LDLRAD3: variants seen among roughly 807,000 people sequenced by gnomAD.
The protein encoded by LDLRAD3 is low-density lipoprotein receptor class A domain-containing protein 3.
In LDLRAD3, 20 loss-of-function variants were observed where a neutral mutation model predicts 29.4. The observed-to-expected ratio is 0.68, with a 90% CI of 0.48 to 0.99. The LOEUF (loss-of-function observed/expected upper bound fraction) is 0.99, where lower values mean the gene tolerates loss of function less well. LDLRAD3 is among the 50% of genes least tolerant of loss of function. LDLRAD3 has a pLI of 0.00. For missense variants in LDLRAD3, 420 were observed against 454.3 expected, an observed-to-expected ratio of 0.92 and a Z score of 0.69; for synonymous variants, 157 against 192.7, an observed-to-expected ratio of 0.81 and a Z score of 1.53.
chr11:36,118,137 A>T (rs1227841706), intron 4 of LDLRAD3, among the ~76,000 whole-genome samples: 2 of 152,144 alleles, frequency 1.3e-5, no homozygotes, highest in African/African-American at 4.8e-5. Context: ...ATCCTCCATG[A>T]TAGGGTAGTC....
At chr11:36,134,854 C>T (rs1016036329) in intron 4 of LDLRAD3, among the ~76,000 whole-genome samples, 1 of 152,080 alleles carries the variant, frequency 6.6e-6, no homozygotes, top group African/African-American at 2.4e-5. Flanking sequence ...TGGGTGCTGC[C>T]GGCTCTCTGG....
intron 4 of LDLRAD3, among the ~76,000 whole-genome samples, chr11:36,174,947 A>C (rs541804670): frequency 6.6e-6 from 1 of 152,142 alleles, no homozygotes; most frequent in African/African-American, 2.4e-5. Context: ...GTGCTACTCC[A>C]CTCCAGCCTG....
chr11:36,097,169 A>G (rs1199656862), intron 3 of LDLRAD3, among the ~76,000 whole-genome samples: 1 of 152,214 alleles, frequency 6.6e-6, no homozygotes, highest in Non-Finnish European at 1.5e-5. Context: ...AGCCTCATGG[A>G]GGAGCTGCTC....
At chr11:36,007,628 G>C (rs974914391) in intron 1 of LDLRAD3, among the ~76,000 whole-genome samples, 6 of 152,160 alleles carry the variant, frequency 3.9e-5, no homozygotes, top group Admixed American at 1.3e-4. Flanking sequence ...CTCTGGAAAA[G>C]GAAAACACAA....
At chr11:35,945,298 G>T (rs558239288) in intron 1 of LDLRAD3, among the ~76,000 whole-genome samples, 3 of 152,304 alleles carry the variant, frequency 2.0e-5, no homozygotes, top group Admixed American at 1.3e-4. Context: ...TTATGAATGC[G>T]TTAAAGGGAT....
At chr11:36,016,575 C>G (rs943423957) in intron 1 of LDLRAD3, among the ~76,000 whole-genome samples, 1 of 152,172 alleles carries the variant, frequency 6.6e-6, no homozygotes, top group African/African-American at 2.4e-5. Flanking sequence ...TGGCCGCTTT[C>G]GTAAGTTCTC....
chr11:35,951,544 A>T (rs1041194287), intron 1 of LDLRAD3, among the ~76,000 whole-genome samples: 5 of 151,944 alleles, frequency 3.3e-5, no homozygotes, highest in African/African-American at 1.2e-4. Flanking sequence ...CAGCTGATAC[A>T]CCTTCAGTTA....
intron 1 of LDLRAD3, among the ~76,000 whole-genome samples, chr11:35,957,662 C>T (rs1851220061): frequency 6.6e-6 from 1 of 151,714 alleles, no homozygotes; most frequent in African/African-American, 2.4e-5. Flanking sequence ...TAGCCGGGCA[C>T]AGTGGTGTGC....
intron 1 of LDLRAD3, among the ~76,000 whole-genome samples, chr11:36,020,050 G>A (rs1386933059): frequency 1.3e-5 from 2 of 152,198 alleles, no homozygotes; most frequent in African/African-American, 4.8e-5. Flanking sequence ...GATGCTGACA[G>A]CACATGTTAT....
At chr11:36,160,731 G>A (rs986291731) in intron 4 of LDLRAD3, among the ~76,000 whole-genome samples, 7 of 152,110 alleles carry the variant, frequency 4.6e-5, no homozygotes, top group Admixed American at 2.0e-4. Flanking sequence ...GACTGAAAAT[G>A]CGTTAGTGAC....
chr11:36,071,006 G>A (rs748218930), intron 2 of LDLRAD3, among the ~76,000 whole-genome samples: 14 of 152,274 alleles, frequency 9.2e-5, no homozygotes, highest in South Asian at 2.1e-4. Flanking sequence ...AGCAAAGATC[G>A]ATGCCCTGTA....
At chr11:36,076,260 C>CCATT (rs1375897639) in intron 2 of LDLRAD3, among the ~76,000 whole-genome samples, 2 of 151,970 alleles carry the variant, frequency 1.3e-5, no homozygotes, top group Non-Finnish European at 2.9e-5. Context: ...ATCCATCCAT[C>CCATT]CATCCTGTCT....
chr11:36,144,919 G>A (rs1184457931), intron 4 of LDLRAD3, among the ~76,000 whole-genome samples: 1 of 101,860 alleles, frequency 9.8e-6, no homozygotes, highest in African/African-American at 3.7e-5. Flanking sequence ...CTACCCGGCC[G>A]CCCCTACTGG....
At chr11:36,122,160 C>T (rs1305836776) in intron 4 of LDLRAD3, among the ~76,000 whole-genome samples, 3 of 152,056 alleles carry the variant, frequency 2.0e-5, no homozygotes, top group African/African-American at 7.2e-5. Flanking sequence ...GGATTTTTAC[C>T]TGAGGTTCTT....
At chr11:36,060,917 T>C (rs967825755) in intron 2 of LDLRAD3, among the ~76,000 whole-genome samples, 1 of 152,244 alleles carries the variant, frequency 6.6e-6, no homozygotes, top group South Asian at 2.1e-4. Context: ...TATGAAAATA[T>C]GAATTTATAA....
Position 36,098,422 on chromosome 11 carries a change from CA to C in LDLRAD3, c.417del (p.Asp140ThrfsTer21). The part of the protein sequence containing the change: ...SFICDGQNNC[Q>X]DNSDEESCES... The stretch of plus-strand genomic sequence containing the variant: ...CATCTGCGATGGACAGAATAACTGT[CA>C]AGACAACAGTGATGAGGAAAGCTGT... On this transcript the variant is annotated frameshift_variant, in exon 4 of 6. Transcript: ENST00000315571. LOFTEE classifies it high-confidence loss of function. The C allele has an allele frequency of 6.2e-7, 1 of 1,614,204 alleles. No individual in the cohort carries two copies.
intron 4 of LDLRAD3, among the ~76,000 whole-genome samples, chr11:36,106,855 T>G (rs1853536253): frequency 6.6e-6 from 1 of 152,246 alleles, no homozygotes; most frequent in Non-Finnish European, 1.5e-5. Context: ...GAAATGTCCC[T>G]GCCCCGTGGA....
At chr11:35,946,850 C>T (rs1483763820) in intron 1 of LDLRAD3, among the ~76,000 whole-genome samples, 1 of 152,168 alleles carries the variant, frequency 6.6e-6, no homozygotes, top group African/African-American at 2.4e-5. Flanking sequence ...AGTAGCTGTG[C>T]ACATCTCAGC....
chr11:36,061,991 A>AT (rs1852707612), intron 2 of LDLRAD3, among the ~76,000 whole-genome samples: 1 of 151,496 alleles, frequency 6.6e-6, no homozygotes, highest in South Asian at 2.1e-4. Flanking sequence ...AAAAAAAAAA[A>AT]CAGTAGTTAT....
Sources: allele counts gnomAD v4.1 joint callset (sites outside exome capture counted in the v4.1 genomes callset), GRCh38; gene constraint gnomAD v4.1.1; transcripts MANE v1.5; gene names NCBI Gene and HGNC (gene_info 2026-07-23, HGNC 2026-07-21).